FBP2: variants seen among roughly 807,000 people sequenced by gnomAD.
The protein encoded by FBP2 is fructose-bisphosphatase 2.
Under a neutral mutation model 31.6 loss-of-function variants are expected in FBP2, and 27 were observed. That is an observed-to-expected ratio of 0.85 (90% CI 0.63 to 1.18). FBP2 has a LOEUF of 1.18. Among genes scored for constraint, FBP2 ranks in the 50% most tolerant of loss-of-function variants. The pLI is 0.00. For missense variants in FBP2, 421 were observed against 436.1 expected (o/e 0.97, Z 0.31); for synonymous variants, 168 against 179.8 (o/e 0.93, Z 0.53).
intron 3 of FBP2, among the ~76,000 whole-genome samples, chr9:94,576,174 G>A (rs1827312834): frequency 6.6e-6 from 1 of 152,140 alleles, no homozygotes; most frequent in Non-Finnish European, 1.5e-5. Context: ...CAGGTGGACT[G>A]GCACCAAAGA....
intron 3 of FBP2, among the ~76,000 whole-genome samples, chr9:94,575,766 G>A (rs1371257709): frequency 6.6e-6 from 1 of 152,170 alleles, no homozygotes; most frequent in African/African-American, 2.4e-5. Context: ...CCAACACTTG[G>A]TATGCTTAGT....
chr9:94,588,267 A>C (rs1386999500), intron 1 of FBP2, among the ~76,000 whole-genome samples: 2 of 152,164 alleles, frequency 1.3e-5, no homozygotes, highest in African/African-American at 4.8e-5. Context: ...ATGTGGGGGC[A>C]GACTTATTTC....
chr9:94,571,916 G>A (rs534515403), intron 3 of FBP2, among the ~76,000 whole-genome samples: 1 of 152,176 alleles, frequency 6.6e-6, no homozygotes, highest in South Asian at 2.1e-4. Flanking sequence ...CCCAAGCCAC[G>A]ATACTCACAA....
intron 2 of FBP2, 62 bp from the exon 3 acceptor site, chr9:94,584,731 T>A: frequency 1.0e-6 from 1 of 1,003,118 alleles, no homozygotes. Flanking sequence ...AATTGCTCTG[T>A]GTCAGGGCTG....
intron 4 of FBP2, chr9:94,570,924 A>G (rs1356453375): frequency 6.6e-6 from 1 of 152,232 alleles, no homozygotes; most frequent in Non-Finnish European, 1.5e-5. Context: ...ACAGCTGTAA[A>G]TCAAAAACTT....
At chr9:94,588,406 G>A (rs1587846321) in intron 1 of FBP2, among the ~76,000 whole-genome samples, 1 of 151,664 alleles carries the variant, frequency 6.6e-6, no homozygotes, top group African/African-American at 2.4e-5. Flanking sequence ...TAGGTCGCTT[G>A]AGCCCAGGAG....
At position 94,587,288 on chromosome 9, in the gene FBP2, C is replaced by T. The variant is rs777775347; in HGVS notation, c.333+19G>A. The stretch of plus-strand genomic sequence containing the variant: ...ATCATCATCTACTGGCGAGCGGGCA[C>T]CGCAGCCCCATGACGCACCCGCTTC... On this transcript the variant is annotated intron_variant, in intron 2 of 6. Transcript: ENST00000375337. The T allele has an allele frequency of 1.9e-6, 3 of 1,600,108 alleles. No homozygotes were observed. Among genetic ancestry groups the T allele is most frequent in the South Asian group, 2.3e-5 (2 of 88,756 alleles).
intron 1 of FBP2, among the ~76,000 whole-genome samples, chr9:94,589,955 ATG>A (rs1827472548): frequency 1.3e-5 from 2 of 152,228 alleles, no homozygotes; most frequent in South Asian, 2.1e-4. Context: ...TGGAATCTGA[ATG>A]CGCTTGCCAC....
chr9:94,567,181 C>G, intron 5 of FBP2, 89 bp downstream of exon 5: 1 of 1,390,550 alleles, frequency 7.2e-7, no homozygotes, highest in Admixed American at 1.8e-5. Flanking sequence ...GCACCAACCT[C>G]TTTCAGCAAA....
chr9:94,587,846 TTC>T (rs1001035933), intron 1 of FBP2, among the ~76,000 whole-genome samples: 5 of 150,960 alleles, frequency 3.3e-5, no homozygotes, highest in African/African-American at 1.2e-4. Flanking sequence ...AATTTGTTTT[TTC>T]TTTTTTCCTT....
At position 94,571,946 on chromosome 9, in the gene FBP2, C is replaced by T. The variant is rs186081103; in HGVS notation, c.427-344G>A. Among the ~76,000 whole-genome samples the T allele has an allele frequency of 7.5e-4, 114 of 152,278 alleles. 1 individual carries two copies. The highest frequency in any genetic ancestry group is 5.3e-4 in the African/African-American group (22 of 41,550). Reference sequence around the variant, plus strand: ...TCACAACTCAGATCACTGAGCTGAGCGTGCAGTGTCTCACTCTGCACACTC... The same window carrying T: ...TCACAACTCAGATCACTGAGCTGAGTGTGCAGTGTCTCACTCTGCACACTC... On this transcript the variant is annotated intron_variant, in intron 3 of 6. Coordinates refer to ENST00000375337, the MANE Select transcript of FBP2 (RefSeq NM_003837.4).
chr9:94,589,349 C>T (rs1033525684), intron 1 of FBP2, among the ~76,000 whole-genome samples: 1 of 152,176 alleles, frequency 6.6e-6, no homozygotes, highest in Non-Finnish European at 1.5e-5. Context: ...GCTATTCCTC[C>T]TTTTCCTCTC....
intron 3 of FBP2, among the ~76,000 whole-genome samples, chr9:94,584,304 A>T (rs1160354717): frequency 6.6e-6 from 1 of 152,202 alleles, no homozygotes; most frequent in East Asian, 1.9e-4. Flanking sequence ...CATGTCTGAC[A>T]TTTGTGTTGC....
intron 3 of FBP2, chr9:94,577,171 C>G (rs899861223): frequency 2.0e-5 from 3 of 152,362 alleles, no homozygotes; most frequent in Non-Finnish European, 4.4e-5. Context: ...GGGTACTGAC[C>G]CCAAGCCTTG....
Position 94,584,660 on chromosome 9 carries a change from C to T in FBP2, c.343G>A (p.Val115Met), listed in dbSNP as rs1358711717. 13 of 1,609,052 alleles carry T rather than the reference C, an allele frequency of 8.1e-6. No individual in the cohort carries two copies. The highest frequency in any genetic ancestry group is 3.3e-4 in the Middle Eastern group (2 of 6,056). ...ITAKEKRGKY[V>M]VCFDPLDGSS... is the part of the protein sequence containing the mutation. Reference sequence around the variant, plus strand: ...CCATCCAGTGGGTCAAAGCAGACCACGTATTTCCCCTAAATCAGAGAGGAA... The same window carrying T: ...CCATCCAGTGGGTCAAAGCAGACCATGTATTTCCCCTAAATCAGAGAGGAA... Residue 115 changes from valine to methionine, a missense_variant, in exon 3 of 7, where the codon GTG becomes ATG. Coordinates refer to ENST00000375337, the MANE Select transcript of FBP2 (RefSeq NM_003837.4).
rs114951150 is a variant in FBP2 at position 94,590,700 on chromosome 9, G to A, written c.170+2857C>T. ...GCAGCAGCAAGAGCGAAAGAACAAA[G>A]CCTCCACAGTGTGGAAAGAGACCCA... is the stretch of plus-strand genomic sequence containing the variant. On this transcript the variant is annotated intron_variant, in intron 1 of 6. Transcript: ENST00000375337. Among the ~76,000 whole-genome samples the A allele has an allele frequency of 8.0e-3, 1,217 of 152,322 alleles. 21 individuals carry two copies. Among genetic ancestry groups the A allele is most frequent in the African/African-American group, 0.028 (1,159 of 41,570 alleles).
chr9:94,571,248 C>G (rs972265283), intron 4 of FBP2, among the ~76,000 whole-genome samples: 3 of 152,192 alleles, frequency 2.0e-5, no homozygotes, highest in African/African-American at 7.2e-5. Context: ...GCAACTGGCT[C>G]TGCAGGACAC....
intron 5 of FBP2, among the ~76,000 whole-genome samples, chr9:94,566,651 G>T (rs1827193927): frequency 6.6e-6 from 1 of 152,136 alleles, no homozygotes; most frequent in South Asian, 2.1e-4. Flanking sequence ...CTCTAGCTCT[G>T]CTGGGTTAGG....
intron 3 of FBP2, among the ~76,000 whole-genome samples, chr9:94,581,063 C>T (rs1481940663): frequency 1.3e-5 from 2 of 152,180 alleles, no homozygotes; most frequent in East Asian, 3.8e-4. Context: ...TGCCTTAATA[C>T]CAAATAATTA....
Sources: allele counts gnomAD v4.1 joint callset (sites outside exome capture counted in the v4.1 genomes callset), GRCh38; gene constraint gnomAD v4.1.1; transcripts MANE v1.5; gene names NCBI Gene and HGNC (gene_info 2026-07-23, HGNC 2026-07-21).